Variants in SLC10A7 observed in about 807,000 individuals in gnomAD.
SLC10A7 encodes the protein sodium/bile acid cotransporter 7.
A neutral mutation model predicts 43.2 loss-of-function variants in SLC10A7; 29 were observed. The observed-to-expected ratio is 0.67, with a 90% CI of 0.50 to 0.92. The LOEUF is 0.92. Among genes scored for constraint, SLC10A7 ranks in the 40% least tolerant of loss-of-function variants. SLC10A7 has a pLI of 0.00. For synonymous variants in SLC10A7, 152 were observed against 144.8 expected (o/e 1.05, Z -0.35); for missense variants, 295 against 403.2 (o/e 0.73, Z 2.30).
At chr4:146,264,632 A>G (rs568832767) in intron 10 of SLC10A7, among the ~76,000 whole-genome samples, 93 of 152,260 alleles carry the variant, frequency 6.1e-4, no homozygotes, top group African/African-American at 2.1e-3. Flanking sequence ...GCTTTCTACA[A>G]TTAGATGGGT....
At chr4:146,511,803 T>C (rs1178902922) in intron 2 of SLC10A7, among the ~76,000 whole-genome samples, 1 of 152,100 alleles carries the variant, frequency 6.6e-6, no homozygotes, top group Non-Finnish European at 1.5e-5. Context: ...CAGAGAAAAC[T>C]TGAGCACCAG....
At position 146,377,441 on chromosome 4, in the gene SLC10A7, G is replaced by T. The variant is rs971491192; in HGVS notation, c.436-51445C>A. On this transcript the variant is annotated intron_variant, in intron 5 of 11. Transcript: ENST00000335472. ...ACACACCCCTGGATGCTGCTGTGGG[G>T]CTAGAGCCCAAAAGCACTCACCCCA... 1.1e-4 allele frequency among the ~76,000 whole-genome samples: 16 copies of T among 152,256 alleles called. 1 individual carries two copies. Among genetic ancestry groups the T allele is most frequent in the Admixed American group, 1.0e-3 (16 of 15,298 alleles).
Position 146,502,668 on chromosome 4 carries a change from A to G in SLC10A7, c.396+1181T>C, listed in dbSNP as rs146863636. On this transcript the variant is annotated intron_variant, in intron 4 of 11. Transcript: ENST00000335472. ...TTGTAGTGTATCTATACAAAATACT[A>G]CTCCTCAGCAAAAAAGATACTGAAT... Among the ~76,000 whole-genome samples, 46 of 152,302 alleles carry G rather than the reference A, an allele frequency of 3.0e-4. No individual in the cohort carries two copies. The East Asian group carries it at 6.9e-3, about 23-fold the overall frequency.
intron 4 of SLC10A7, among the ~76,000 whole-genome samples, chr4:146,497,764 T>C (rs1736025562): frequency 1.3e-5 from 2 of 152,072 alleles, no homozygotes; most frequent in Non-Finnish European, 2.9e-5. Flanking sequence ...TCTCCAAACA[T>C]AGGGGAATAA....
chr4:146,423,347 T>C (rs1403844262), intron 5 of SLC10A7, among the ~76,000 whole-genome samples: 1 of 152,206 alleles, frequency 6.6e-6, no homozygotes, highest in Non-Finnish European at 1.5e-5. Context: ...TATTTCTTCT[T>C]AGTCCCTGCA....
At chr4:146,262,672 G>C (rs146588400) in intron 10 of SLC10A7, among the ~76,000 whole-genome samples, 1 of 152,216 alleles carries the variant, frequency 6.6e-6, no homozygotes, top group African/African-American at 2.4e-5. Flanking sequence ...CCTGGGAAGC[G>C]TGATTTGACC....
chr4:146,472,118 T>G (rs550166084), intron 4 of SLC10A7, among the ~76,000 whole-genome samples: 3 of 152,162 alleles, frequency 2.0e-5, no homozygotes, highest in Admixed American at 2.0e-4. Flanking sequence ...TATAGTGGAA[T>G]AACTGAGGGA....
intron 4 of SLC10A7, among the ~76,000 whole-genome samples, chr4:146,459,349 A>T (rs1277570108): frequency 6.6e-6 from 1 of 151,776 alleles, no homozygotes; most frequent in Non-Finnish European, 1.5e-5. Flanking sequence ...AATTTATTTT[A>T]AAAATAAACT....
At chr4:146,384,597 C>T (rs1052101544) in intron 5 of SLC10A7, among the ~76,000 whole-genome samples, 3 of 152,020 alleles carry the variant, frequency 2.0e-5, no homozygotes, top group African/African-American at 4.8e-5. Flanking sequence ...TAAAAAAGCA[C>T]ACTATGTATA....
intron 7 of SLC10A7, among the ~76,000 whole-genome samples, chr4:146,296,013 G>A (rs760354345): frequency 1.3e-5 from 2 of 152,066 alleles, no homozygotes; most frequent in Admixed American, 6.6e-5. Context: ...TAAAACCCAA[G>A]ACAAATCTGT....
chr4:146,471,585 T>C (rs1311655145), intron 4 of SLC10A7, among the ~76,000 whole-genome samples: 1 of 152,186 alleles, frequency 6.6e-6, no homozygotes, highest in African/African-American at 2.4e-5. Flanking sequence ...TATACAGTTA[T>C]ACATATTAAA....
intron 5 of SLC10A7, among the ~76,000 whole-genome samples, chr4:146,434,832 G>A (rs1442988932): frequency 3.3e-5 from 5 of 152,184 alleles, no homozygotes; most frequent in Admixed American, 3.3e-4. Flanking sequence ...AAAGTCCTGA[G>A]ATTATAGGGA....
intron 5 of SLC10A7, among the ~76,000 whole-genome samples, chr4:146,356,480 A>C (rs139663560): frequency 3.8e-4 from 58 of 152,002 alleles, no homozygotes; most frequent in Admixed American, 3.5e-3. Flanking sequence ...GGAATATTGC[A>C]TTCTACTCTT....
At chr4:146,519,114 A>AT (rs1738354589) in intron 1 of SLC10A7, among the ~76,000 whole-genome samples, 6 of 110,382 alleles carry the variant, frequency 5.4e-5, no homozygotes, top group African/African-American at 1.0e-4. Flanking sequence ...TATATATATA[A>AT]TATAATATAT....
chr4:146,307,115 CATGA>C (rs1731632690), intron 6 of SLC10A7, among the ~76,000 whole-genome samples: 2 of 152,128 alleles, frequency 1.3e-5, no homozygotes, highest in Non-Finnish European at 2.9e-5. Context: ...CTGATTTCTG[CATGA>C]ATGGTTTACA....
chr4:146,381,082 T>C (rs373923089), intron 5 of SLC10A7, among the ~76,000 whole-genome samples: 16 of 152,168 alleles, frequency 1.1e-4, no homozygotes, highest in South Asian at 1.0e-3. Flanking sequence ...CCCATACAAT[T>C]TGGGGGGCTC....
chr4:146,352,874 C>T (rs1287983696), intron 5 of SLC10A7, among the ~76,000 whole-genome samples: 84 of 143,858 alleles, frequency 5.8e-4, no homozygotes, highest in Non-Finnish European at 8.3e-4. Flanking sequence ...ATCTCTGGGA[C>T]GCATTCAAAG....
chr4:146,256,887 C>G (rs1189296214), intron 11 of SLC10A7: 28 of 1,536,218 alleles, frequency 1.8e-5, no homozygotes, highest in Admixed American at 3.9e-5. Flanking sequence ...ATATTCCAAG[C>G]CTTCTGGATT....
chr4:146,324,352 GC>G (rs1732958443), intron 6 of SLC10A7, among the ~76,000 whole-genome samples: 1 of 152,090 alleles, frequency 6.6e-6, no homozygotes, highest in African/African-American at 2.4e-5. Flanking sequence ...CCAAAAAAGA[GC>G]CTGCATTGCC....
Sources: allele counts gnomAD v4.1 joint callset (sites outside exome capture counted in the v4.1 genomes callset), GRCh38; gene constraint gnomAD v4.1.1; transcripts MANE v1.5; gene names NCBI Gene and HGNC (gene_info 2026-07-23, HGNC 2026-07-21).